The following VSNL1 variants were observed in gnomAD, a reference collection of about 807,000 sequenced individuals.
The protein encoded by VSNL1 is visinin like 1.
Under a neutral mutation model 20.4 loss-of-function variants are expected in VSNL1, and 6 were observed. The observed-to-expected ratio is 0.29, with a 90% CI of 0.16 to 0.58. VSNL1 has a LOEUF of 0.58. VSNL1 is among the 20% of genes least tolerant of loss of function. VSNL1 has a pLI of 0.90. For missense variants in VSNL1, 100 were observed against 234.5 expected, an observed-to-expected ratio of 0.43 and a Z score of 3.75; for synonymous variants, 93 against 86.4, an observed-to-expected ratio of 1.08 and a Z score of -0.42.
intron 2 of VSNL1, among the ~76,000 whole-genome samples, chr2:17,609,793 T>A (rs1380181328): frequency 6.6e-6 from 1 of 152,194 alleles, no homozygotes; most frequent in Non-Finnish European, 1.5e-5. Flanking sequence ...CACCAATTGA[T>A]CACTTCATAT....
chr2:17,573,510 G>A (rs73919094), intron 1 of VSNL1, among the ~76,000 whole-genome samples: 5,835 of 152,130 alleles, frequency 0.038, 180 homozygotes, highest in African/African-American at 0.084. Context: ...GAACAGAAGA[G>A]GAATTCATGG....
intron 2 of VSNL1, among the ~76,000 whole-genome samples, chr2:17,632,742 TA>T (rs1174855917): frequency 5.9e-5 from 9 of 152,230 alleles, no homozygotes; most frequent in Non-Finnish European, 1.3e-4. Context: ...TAAAGTGCCT[TA>T]AAAAATAGAC....
intron 2 of VSNL1, among the ~76,000 whole-genome samples, chr2:17,646,201 A>G (rs1317857477): frequency 6.6e-6 from 1 of 152,246 alleles, no homozygotes; most frequent in Non-Finnish European, 1.5e-5. Flanking sequence ...ATGAGTCAGA[A>G]AATAACTCAG....
chr2:17,579,951 C>A (rs1187312790), intron 1 of VSNL1, among the ~76,000 whole-genome samples: 1 of 152,172 alleles, frequency 6.6e-6, no homozygotes, highest in Admixed American at 6.5e-5. Context: ...GGTGACATCT[C>A]AGCACCTTGG....
chr2:17,540,928 A>G lies in VSNL1; in HGVS notation c.-6+10A>G, dbSNP rs1023747868. 1 of 152,314 alleles carries G rather than the reference A, an allele frequency of 6.6e-6. No homozygotes were observed. Among genetic ancestry groups the G allele is most frequent in the Non-Finnish European group, 1.5e-5 (1 of 68,050 alleles). 9.4% of individuals were successfully genotyped at this position (152,314 alleles called of 1,614,324 possible). On this transcript the variant is annotated intron_variant, in intron 1 of 3. Coordinates refer to ENST00000295156, the MANE Select transcript of VSNL1 (RefSeq NM_003385.5). ...GCGCAGCGCTGTAACTGTAAGTGGA[A>G]AATACAATCTTCGTTGCATTTCTGC...
intron 1 of VSNL1, among the ~76,000 whole-genome samples, chr2:17,551,733 G>T (rs529620635): frequency 3.3e-5 from 5 of 152,174 alleles, no homozygotes; most frequent in South Asian, 4.2e-4. Flanking sequence ...CTCAGTAGAA[G>T]ACCATGTACT....
intron 2 of VSNL1, among the ~76,000 whole-genome samples, chr2:17,607,362 T>C (rs944560571): frequency 2.6e-5 from 4 of 152,210 alleles, no homozygotes; most frequent in Non-Finnish European, 5.9e-5. Flanking sequence ...CTCCACCTCC[T>C]ACTTTGATCT....
chr2:17,584,605 G>T (rs1288139161), intron 1 of VSNL1, among the ~76,000 whole-genome samples: 1 of 152,088 alleles, frequency 6.6e-6, no homozygotes, highest in African/African-American at 2.4e-5. Context: ...GCCACTTCAG[G>T]CTCTCAGCAC....
rs965546309 is a variant in VSNL1 at position 17,637,287 on chromosome 2, A to G, written c.163-12123A>G. Among the ~76,000 whole-genome samples the G allele has an allele frequency of 3.9e-5, 6 of 152,306 alleles. No individual in the cohort carries two copies. The East Asian group carries it at 1.2e-3, about 29-fold the overall frequency. ...GGAAATGTGCGAGAAGAGCTTCCCC[A>G]TCAAGACTAAGGGCTGCTATGACAT... On this transcript the variant is annotated intron_variant, in intron 2 of 3. Transcript: ENST00000295156.
chr2:17,649,548 C>T lies in VSNL1; in HGVS notation c.301C>T (p.Leu101=). 1 of 1,614,168 alleles carries T rather than the reference C, an allele frequency of 6.2e-7. No individual in the cohort carries two copies. The highest frequency in any genetic ancestry group is 8.5e-7 in the Non-Finnish European group (1 of 1,180,024). Residue 101 remains leucine (L), a synonymous_variant, in exon 3 of 4, where the codon CTG becomes TTG. Transcript: ENST00000295156. This position sits in a 1 kb window ranked among gnomAD's most constrained non-coding sequence, Gnocchi z 6.4. ...ITSRGSFEQK[L]NWAFNMYDLD... is the part of the protein sequence containing the mutation. ...CTCCAGGGGCAGCTTTGAGCAGAAG[C>T]TGAACTGGGCCTTCAATATGTATGA...
intron 3 of VSNL1, among the ~76,000 whole-genome samples, chr2:17,650,947 AT>A (rs1028958427): frequency 2.6e-5 from 4 of 152,130 alleles, no homozygotes; most frequent in African/African-American, 9.6e-5. Flanking sequence ...TTGAATATAT[AT>A]TTTTTCCAGC....
intron 1 of VSNL1, among the ~76,000 whole-genome samples, chr2:17,563,300 T>A: frequency 6.6e-6 from 1 of 152,220 alleles, no homozygotes; most frequent in East Asian, 1.9e-4. Flanking sequence ...TGAGAGCTCA[T>A]TAATGTGCTT....
chr2:17,652,174 A>G (rs2103433048), intron 3 of VSNL1, among the ~76,000 whole-genome samples: 1 of 150,840 alleles, frequency 6.6e-6, no homozygotes, highest in East Asian at 1.9e-4. Flanking sequence ...ATCAGAGTAT[A>G]ACTAGACAGA....
chr2:17,585,143 C>T (rs1245260802), intron 1 of VSNL1, among the ~76,000 whole-genome samples: 2 of 152,156 alleles, frequency 1.3e-5, no homozygotes, highest in African/African-American at 4.8e-5. Context: ...GAAACCTCAA[C>T]TATAATTCCA....
At chr2:17,554,473 G>GATT (rs1208944671) in intron 1 of VSNL1, among the ~76,000 whole-genome samples, 1 of 152,152 alleles carries the variant, frequency 6.6e-6, no homozygotes, top group African/African-American at 2.4e-5. Context: ...CATTGTCTAG[G>GATT]ATTAGATAGA....
chr2:17,544,114 T>G (rs1319863036), intron 1 of VSNL1, among the ~76,000 whole-genome samples: 1 of 152,182 alleles, frequency 6.6e-6, no homozygotes, highest in Admixed American at 6.5e-5. Flanking sequence ...GAAGTCCCAC[T>G]TGGGATCTCT....
intron 2 of VSNL1, among the ~76,000 whole-genome samples, chr2:17,643,985 G>A (rs1296750457): frequency 7.2e-5 from 11 of 152,160 alleles, no homozygotes; most frequent in African/African-American, 2.4e-4. Flanking sequence ...AAACAGTCTC[G>A]TTCCTTCTTC....
At chr2:17,612,203 C>T (rs1665108066) in intron 2 of VSNL1, among the ~76,000 whole-genome samples, 1 of 152,178 alleles carries the variant, frequency 6.6e-6, no homozygotes, top group Admixed American at 6.5e-5. Context: ...GCCGCATGGT[C>T]CTTTTTGGAG....
intron 1 of VSNL1, among the ~76,000 whole-genome samples, chr2:17,542,711 A>G (rs1663314113): frequency 6.6e-6 from 1 of 152,152 alleles, no homozygotes; most frequent in South Asian, 2.1e-4. Flanking sequence ...AGTTCGATGA[A>G]TGGTGCAGGT....
Sources: gnomAD v4.1 joint callset for allele counts (sites outside exome capture counted in the v4.1 genomes callset) on GRCh38, gnomAD v4.1.1 for gene constraint, Gnocchi (gnomAD v3.1) non-coding constraint, MANE v1.5 for transcripts, NCBI Gene and HGNC (gene_info 2026-07-23, HGNC 2026-07-21) for gene names.